Variants in SORCS3 observed in about 807,000 individuals in gnomAD.
SORCS3 encodes the protein VPS10 domain-containing receptor SorCS3.
In SORCS3, 57 loss-of-function variants were observed where a neutral mutation model predicts 146.3. The observed-to-expected ratio is 0.39, with a 90% CI of 0.31 to 0.49. The LOEUF (loss-of-function observed/expected upper bound fraction) is 0.49, where lower values mean the gene tolerates loss of function less well. SORCS3 is among the 20% of genes least tolerant of loss of function. The pLI is 0.92. For synonymous variants in SORCS3, 653 were observed against 618.5 expected (o/e 1.06, Z -0.83); for missense variants, 1,341 against 1,575.5 (o/e 0.85, Z 2.52).
intron 1 of SORCS3, among the ~76,000 whole-genome samples, chr10:104,835,344 T>A (rs2018054625): frequency 6.6e-6 from 1 of 152,190 alleles, no homozygotes; most frequent in South Asian, 2.1e-4. Context: ...AGAAAGTCAG[T>A]GAGTCCTATT....
chr10:104,992,206 G>A (rs1478683018), intron 4 of SORCS3, among the ~76,000 whole-genome samples: 1 of 152,146 alleles, frequency 6.6e-6, no homozygotes, highest in Non-Finnish European at 1.5e-5. Flanking sequence ...GAGGCCCTGA[G>A]CCTGGTCAGG....
intron 1 of SORCS3, among the ~76,000 whole-genome samples, chr10:104,686,836 T>C (rs955279814): frequency 6.6e-6 from 1 of 152,180 alleles, no homozygotes; most frequent in African/African-American, 2.4e-5. Context: ...TGTCCATGTA[T>C]CCATTCATTC....
intron 5 of SORCS3, among the ~76,000 whole-genome samples, chr10:105,064,022 G>A (rs976796736): frequency 3.3e-5 from 5 of 152,170 alleles, no homozygotes; most frequent in Non-Finnish European, 5.9e-5. Context: ...GCCGGAGCAT[G>A]ACTTCACCAC....
intron 1 of SORCS3, among the ~76,000 whole-genome samples, chr10:104,671,720 A>C (rs2133257863): frequency 6.6e-6 from 1 of 152,170 alleles, no homozygotes; most frequent in South Asian, 2.1e-4. Flanking sequence ...CTTTTTCTGC[A>C]TCAACTAAGG....
intron 1 of SORCS3, among the ~76,000 whole-genome samples, chr10:104,754,649 C>T (rs2017026801): frequency 6.6e-6 from 1 of 151,422 alleles, no homozygotes; most frequent in South Asian, 2.1e-4. Flanking sequence ...GGGCTTGGGG[C>T]CTTGCTTCCT....
chr10:104,762,838 A>G (rs2017137646), intron 1 of SORCS3, among the ~76,000 whole-genome samples: 3 of 152,154 alleles, frequency 2.0e-5, no homozygotes, highest in Admixed American at 1.3e-4. Flanking sequence ...AGTCAATGAA[A>G]TCTACTTTCT....
intron 11 of SORCS3, among the ~76,000 whole-genome samples, chr10:105,159,202 C>T (rs1338035480): frequency 6.7e-6 from 1 of 149,130 alleles, no homozygotes; most frequent in African/African-American, 2.4e-5. Context: ...CATGCATCTT[C>T]CCCCCAGACA....
At chr10:104,847,823 T>C (rs1467298566) in intron 2 of SORCS3, among the ~76,000 whole-genome samples, 1 of 152,116 alleles carries the variant, frequency 6.6e-6, no homozygotes, top group East Asian at 1.9e-4. Flanking sequence ...CATTCTACTA[T>C]TAGAAAAGCA....
At chr10:105,245,398 C>G (rs755882495) in intron 20 of SORCS3, 144 bp from the exon 21 acceptor site, 2 of 916,888 alleles carry the variant, frequency 2.2e-6, no homozygotes, top group Non-Finnish European at 3.3e-6. Context: ...GAAGAATAAT[C>G]ACAGTTTTAA....
chr10:104,872,140 T>C (rs1179423459), intron 2 of SORCS3, among the ~76,000 whole-genome samples: 1 of 152,146 alleles, frequency 6.6e-6, no homozygotes, highest in Admixed American at 6.6e-5. Flanking sequence ...AATATAAATA[T>C]GATAATAGCT....
chr10:104,648,207 A>G (rs1188531498), intron 1 of SORCS3, among the ~76,000 whole-genome samples: 1 of 152,254 alleles, frequency 6.6e-6, no homozygotes, highest in Non-Finnish European at 1.5e-5. Flanking sequence ...CAGAATGTCA[A>G]GACTGGAAGT....
intron 2 of SORCS3, among the ~76,000 whole-genome samples, chr10:104,898,768 C>T (rs2018823372): frequency 6.6e-6 from 1 of 152,178 alleles, no homozygotes; most frequent in African/African-American, 2.4e-5. Context: ...TACAGGAGAG[C>T]AGAACCCTAA....
chr10:105,166,548 T>C (rs2056315026), intron 12 of SORCS3, among the ~76,000 whole-genome samples: 1 of 152,112 alleles, frequency 6.6e-6, no homozygotes, highest in Non-Finnish European at 1.5e-5. Flanking sequence ...GCTTAGAAAA[T>C]GCCTATGGGT....
chr10:104,723,400 T>C (rs551245703), intron 1 of SORCS3, among the ~76,000 whole-genome samples: 18 of 152,348 alleles, frequency 1.2e-4, no homozygotes, highest in Non-Finnish European at 1.5e-4. Context: ...TACTTCCCAC[T>C]ATGTGGTCAA....
chr10:105,252,530 A>T (rs1338275858), intron 22 of SORCS3, among the ~76,000 whole-genome samples: 1 of 152,238 alleles, frequency 6.6e-6, no homozygotes, highest in Non-Finnish European at 1.5e-5. Flanking sequence ...ATCATTTGTA[A>T]TACCATTCTA....
chr10:104,686,013 C>A (rs1026653522), intron 1 of SORCS3, among the ~76,000 whole-genome samples: 4 of 152,166 alleles, frequency 2.6e-5, no homozygotes, highest in African/African-American at 9.7e-5. Flanking sequence ...TGAGATCCTG[C>A]AGCCCTGGGG....
Position 105,227,929 on chromosome 10 carries a change from T to G in SORCS3, c.2868+4680T>G, listed in dbSNP as rs573490339. 3.9e-5 allele frequency among the ~76,000 whole-genome samples: 6 copies of G among 152,060 alleles called. No individual in the cohort carries two copies. The East Asian group carries it at 5.8e-4, about 15-fold the overall frequency. ...TTTTCCCATCCATTTACTTTCAGTC[T>G]GTATATGTCATGACAGGTGGGATGA... On this transcript the variant is annotated intron_variant, in intron 20 of 26. Transcript: ENST00000369701.
At chr10:104,958,833 G>A (rs2054772492) in intron 3 of SORCS3, among the ~76,000 whole-genome samples, 1 of 152,186 alleles carries the variant, frequency 6.6e-6, no homozygotes, top group East Asian at 1.9e-4. Flanking sequence ...GGGAAGCAAG[G>A]CACATCTTAC....
At position 105,216,931 on chromosome 10, in the gene SORCS3, T is replaced by C; in HGVS notation, c.2548-5T>C. The stretch of plus-strand genomic sequence containing the variant: ...AATTGACCCGTCTGCTATGCCATCT[T>C]GCAGGGTGATCTACAAAGGACAAAC... On this transcript the variant is annotated splice_polypyrimidine_tract_variant and splice_region_variant and intron_variant, in intron 18 of 26. Coordinates refer to ENST00000369701, the MANE Select transcript of SORCS3 (RefSeq NM_014978.3). The C allele has an allele frequency of 6.2e-7, 1 of 1,614,100 alleles. No homozygotes were observed. Among genetic ancestry groups the C allele is most frequent in the Non-Finnish European group, 8.5e-7 (1 of 1,179,982 alleles).
Sources: allele counts gnomAD v4.1 joint callset (sites outside exome capture counted in the v4.1 genomes callset), GRCh38; gene constraint gnomAD v4.1.1; transcripts MANE v1.5; gene names NCBI Gene and HGNC (gene_info 2026-07-23, HGNC 2026-07-21).